The following GASK1B variants were observed in gnomAD, a reference collection of about 807,000 sequenced individuals.
GASK1B encodes golgi associated kinase 1B.
A neutral mutation model predicts 42.8 loss-of-function variants in GASK1B; 34 were observed. That is an observed-to-expected ratio of 0.79 (90% CI 0.60 to 1.06). The LOEUF (loss-of-function observed/expected upper bound fraction) is 1.06. Among genes scored for constraint, GASK1B ranks in the 50% least tolerant of loss-of-function variants. GASK1B has a pLI of 0.00. For missense variants in GASK1B, 686 were observed against 661.0 expected, an observed-to-expected ratio of 1.04 and a Z score of -0.42; for synonymous variants, 262 against 259.1, an observed-to-expected ratio of 1.01 and a Z score of -0.11.
intron 2 of GASK1B, among the ~76,000 whole-genome samples, chr4:158,164,743 C>A (rs1244754962): frequency 6.6e-6 from 1 of 152,206 alleles, no homozygotes; most frequent in Non-Finnish European, 1.5e-5. Context: ...ATTCTCAACA[C>A]TCCCTGCAAA....
At chr4:158,166,062 G>A (rs1732219463) in intron 2 of GASK1B, among the ~76,000 whole-genome samples, 1 of 151,998 alleles carries the variant, frequency 6.6e-6, no homozygotes, top group Non-Finnish European at 1.5e-5. Context: ...CATACAGGAC[G>A]AAAATCTGCT....
chr4:158,170,901 C>A lies in GASK1B; in HGVS notation c.475G>T (p.Ala159Ser). 6.2e-7 allele frequency: 1 copy of A among 1,614,248 alleles called. No homozygotes were observed. The highest frequency in any genetic ancestry group is 1.3e-5 in the African/African-American group (1 of 75,080). Residue 159 changes from alanine (A) to serine (S), a missense_variant, in exon 2 of 5, where the codon GCT (alanine) becomes TCT (serine). Physicochemically the swap from Ala to Ser is moderately conservative, Grantham distance 99 (BLOSUM62 1). Coordinates refer to ENST00000585682, the MANE Select transcript of GASK1B (RefSeq NM_001128424.2). ...SLQPQEAARE[A>S]DAVAPGYAQG... The stretch of plus-strand genomic sequence containing the variant: ...GCGTACCCAGGTGCTACAGCATCAG[C>A]TTCCCTTGCCGCTTCCTGCGGCTGA...
chr4:158,170,266 C>G (rs148372081), intron 2 of GASK1B, 200 bp downstream of exon 2: 3 of 1,614,226 alleles, frequency 1.9e-6, no homozygotes, highest in South Asian at 2.2e-5. Flanking sequence ...TCCAATACAG[C>G]ATTTCCCTGG....
intron 3 of GASK1B, among the ~76,000 whole-genome samples, chr4:158,131,601 G>A (rs1390218831): frequency 6.6e-6 from 1 of 152,082 alleles, no homozygotes; most frequent in East Asian, 1.9e-4. Flanking sequence ...GAACAAAATG[G>A]GCCTACTGAA....
chr4:158,154,440 A>G (rs971143367), intron 3 of GASK1B, among the ~76,000 whole-genome samples: 4 of 152,228 alleles, frequency 2.6e-5, no homozygotes, highest in African/African-American at 7.2e-5. Flanking sequence ...CTACTATGGG[A>G]AACAGTGTGA....
intron 3 of GASK1B, among the ~76,000 whole-genome samples, chr4:158,139,865 C>A (rs1045679229): frequency 5.3e-5 from 8 of 152,332 alleles, no homozygotes; most frequent in African/African-American, 1.7e-4. Context: ...TTCCTCAAGA[C>A]AACCATTGCA....
Position 158,124,953 on chromosome 4 carries a change from G to A in GASK1B, c.*2454C>T, listed in dbSNP as rs1490179729. 6.6e-6 allele frequency: 1 copy of A among 152,082 alleles called. No individual in the cohort carries two copies. Among genetic ancestry groups the A allele is most frequent in the African/African-American group, 2.4e-5 (1 of 41,426 alleles). 9.4% of individuals were successfully genotyped at this position (152,082 alleles called of 1,614,324 possible). A position where few individuals can be genotyped will look rare whatever the true frequency, so the allele number is the denominator to read the frequency against. ...GTCACACAAGAATAAGCTTTTGCAT[G>A]TCTGCTAAGGTAAATTATTATATTA... On this transcript the variant is annotated 3_prime_UTR_variant, in exon 5 of 5. Coordinates refer to ENST00000585682, the MANE Select transcript of GASK1B (RefSeq NM_001128424.2).
rs766218659 is a variant in GASK1B at position 158,171,042 on chromosome 4, G to A, written c.334C>T (p.Arg112Cys). 49 of 1,613,706 alleles carry A rather than the reference G, an allele frequency of 3.0e-5. No individual in the cohort carries two copies. The highest frequency in any genetic ancestry group is 3.9e-5 in the Non-Finnish European group (46 of 1,179,776). Reference protein sequence around the residue: ...LQPNVVYITLRSKRSKPANIR... With the variant: ...LQPNVVYITLCSKRSKPANIR... The stretch of plus-strand genomic sequence containing the variant: ...TTGGCCGGCTTGCTGCGCTTGGAGC[G>A]TAGGGTAATGTACACCACATTGGGC... Residue 112 changes from arginine to cysteine, a missense_variant, in exon 2 of 5, where the codon CGC (arginine) becomes TGC (cysteine). Arg to Cys is a radical substitution (Grantham distance 180). Transcript: ENST00000585682.
chr4:158,139,346 T>A (rs1270435748), intron 3 of GASK1B, among the ~76,000 whole-genome samples: 1 of 152,200 alleles, frequency 6.6e-6, no homozygotes, highest in Non-Finnish European at 1.5e-5. Context: ...GCATACCAGC[T>A]CCACTCAGCT....
At chr4:158,140,787 T>C (rs1400097430) in intron 3 of GASK1B, among the ~76,000 whole-genome samples, 1 of 152,208 alleles carries the variant, frequency 6.6e-6, no homozygotes, top group Admixed American at 6.5e-5. Flanking sequence ...AAGTCTCTCA[T>C]CTTTCTAGCC....
intron 2 of GASK1B, among the ~76,000 whole-genome samples, chr4:158,162,008 T>C (rs1221042174): frequency 1.3e-5 from 2 of 152,186 alleles, no homozygotes; most frequent in Non-Finnish European, 2.9e-5. Context: ...CCCTAATCTG[T>C]TGTTTTTCCG....
intron 3 of GASK1B, among the ~76,000 whole-genome samples, chr4:158,133,618 A>G (rs1364244829): frequency 1.3e-5 from 2 of 152,218 alleles, no homozygotes; most frequent in African/African-American, 4.8e-5. Context: ...AAAGCATTAA[A>G]AGTTAAAGGT....
At chr4:158,170,416 G>A (rs781590500) in intron 2 of GASK1B, 50 bp downstream of exon 2, 7 of 1,613,984 alleles carry the variant, frequency 4.3e-6, no homozygotes, top group Non-Finnish European at 5.9e-6. Context: ...AAAAGAAAAT[G>A]AACCAGAATC....
intron 3 of GASK1B, among the ~76,000 whole-genome samples, chr4:158,148,313 C>G (rs535977790): frequency 6.6e-6 from 1 of 152,060 alleles, no homozygotes; most frequent in Non-Finnish European, 1.5e-5. Flanking sequence ...ACAAGATTAG[C>G]AAAAATATTA....
chr4:158,128,105 T>TA (rs1273673813), intron 4 of GASK1B, among the ~76,000 whole-genome samples: 2 of 152,110 alleles, frequency 1.3e-5, no homozygotes, highest in Admixed American at 6.5e-5. Context: ...TGTGAAATAA[T>TA]AAAAAATGTG....
chr4:158,171,082 A>AT lies in GASK1B; in HGVS notation c.293dup (p.Asn98LysfsTer63). The stretch of plus-strand genomic sequence containing the variant: ...CCACATTGGGCTGCAGAGTGGACCC[A>AT]TTGCCCTGGGACTCTGGAGGGGCCA... On this transcript the variant is annotated frameshift_variant, in exon 2 of 5. Transcript: ENST00000585682. LOFTEE classifies it high-confidence loss of function. 1 of 1,610,480 alleles carries AT rather than the reference A, an allele frequency of 6.2e-7. No individual in the cohort carries two copies. Among genetic ancestry groups the AT allele is most frequent in the Non-Finnish European group, 8.5e-7 (1 of 1,177,162 alleles).
chr4:158,148,052 A>G (rs936575677), intron 3 of GASK1B, among the ~76,000 whole-genome samples: 1 of 152,020 alleles, frequency 6.6e-6, no homozygotes, highest in East Asian at 1.9e-4. Flanking sequence ...CTCTAAAAAA[A>G]TTTTTTGAAT....
chr4:158,164,979 T>A (rs1732170115), intron 2 of GASK1B, among the ~76,000 whole-genome samples: 1 of 152,154 alleles, frequency 6.6e-6, no homozygotes, highest in Non-Finnish European at 1.5e-5. Flanking sequence ...TAAATGGAAG[T>A]GTGTGGGGTG....
In GASK1B at chr4:158,133,032, G is replaced by T. The variant is rs1373747642; in HGVS notation, c.1126-2020C>A. Among the ~76,000 whole-genome samples the T allele has an allele frequency of 3.9e-5, 6 of 152,186 alleles. No homozygotes were observed. The East Asian group carries it at 1.2e-3, about 29-fold the overall frequency. ...TTAGAAACTTTTAGAGAACTTTATT[G>T]AGCCCTTTCTTCTCAATTTCAGTCA... On this transcript the variant is annotated intron_variant, in intron 3 of 4. Transcript: ENST00000585682.
Sources: allele counts gnomAD v4.1 joint callset (sites outside exome capture counted in the v4.1 genomes callset), GRCh38; gene constraint gnomAD v4.1.1; transcripts MANE v1.5; gene names NCBI Gene and HGNC (gene_info 2026-07-23, HGNC 2026-07-21).